The following MYO9A variants were observed in gnomAD, a reference collection of about 807,000 sequenced individuals.
The protein encoded by MYO9A is myosin IXA.
Under a neutral mutation model 293.3 loss-of-function variants are expected in MYO9A, and 103 were observed. That is an observed-to-expected ratio of 0.35 (90% CI 0.30 to 0.41). The LOEUF (loss-of-function observed/expected upper bound fraction) is 0.41. Among genes scored for constraint, MYO9A ranks in the 10% least tolerant of loss-of-function variants. MYO9A has a pLI of 1.00. For missense variants in MYO9A, 2,685 were observed against 3,033.0 expected (o/e 0.89, Z 2.69); for synonymous variants, 1,001 against 1,035.7 (o/e 0.97, Z 0.64).
intron 12 of MYO9A, among the ~76,000 whole-genome samples, chr15:71,970,034 T>C (rs1265663019): frequency 6.6e-6 from 1 of 152,210 alleles, no homozygotes; most frequent in African/African-American, 2.4e-5. Flanking sequence ...GTAATTCTCA[T>C]GAGCAGGCAA....
intron 1 of MYO9A, among the ~76,000 whole-genome samples, chr15:72,076,969 A>G (rs1387030788): frequency 6.6e-6 from 1 of 152,132 alleles, no homozygotes; most frequent in Non-Finnish European, 1.5e-5. Flanking sequence ...AGGCAAGTCA[A>G]TGGAAAAAGG....
In MYO9A at chr15:72,117,767, T is replaced by C. The variant is rs372387169; in HGVS notation, c.-159A>G. 7.4e-4 allele frequency: 293 copies of C among 397,856 alleles called. No homozygotes were observed. The highest frequency in any genetic ancestry group is 4.8e-3 in the African/African-American group (232 of 48,638). 24.6% of individuals were successfully genotyped at this position (397,856 alleles called of 1,614,324 possible). On this transcript the variant is annotated 5_prime_UTR_variant, in exon 1 of 42. Coordinates refer to ENST00000356056, the MANE Select transcript of MYO9A (RefSeq NM_006901.4). ...CTCCGCCCCAGGGTAGGACCGGAGATGGCAGAAGAGGCCGAGGCCACCGAG... is the reference window on the plus strand; with the variant it reads ...CTCCGCCCCAGGGTAGGACCGGAGACGGCAGAAGAGGCCGAGGCCACCGAG...
rs1396757668 is a variant in MYO9A at position 71,897,914 on chromosome 15, A to T, written c.4589T>A (p.Phe1530Tyr). The part of the protein sequence containing the change: ...TDILEKERKA[F>Y]KTIEKPRIGE... ...AATTCTTGGCTTTTCAATTGTCTTG[A>T]AGGCTTTGCGCTCCTTCTCTAAAAT... The change falls in exon 25 of 42, where the codon TTC (phenylalanine) becomes TAC (tyrosine). Residue 1530 changes from phenylalanine (F) to tyrosine (Y), a missense_variant. Physicochemically the swap from Phe to Tyr is conservative, Grantham distance 22 (BLOSUM62 3). Coordinates refer to ENST00000356056, the MANE Select transcript of MYO9A (RefSeq NM_006901.4). The T allele has an allele frequency of 6.2e-7, 1 of 1,614,144 alleles. No individual in the cohort carries two copies. Among genetic ancestry groups the T allele is most frequent in the Admixed American group, 1.7e-5 (1 of 60,002 alleles).
At chr15:72,032,197 C>T (rs2077893462) in intron 3 of MYO9A, among the ~76,000 whole-genome samples, 1 of 152,146 alleles carries the variant, frequency 6.6e-6, no homozygotes. Context: ...AGGTGTGAGC[C>T]ACCATGCTTG....
chr15:72,043,365 AT>A (rs1326364613), intron 2 of MYO9A, among the ~76,000 whole-genome samples: 3 of 152,202 alleles, frequency 2.0e-5, no homozygotes, highest in Non-Finnish European at 4.4e-5. Context: ...ATTGCTAGAT[AT>A]TTACTGAAGA....
At chr15:71,956,904 A>G (rs1039930219) in intron 14 of MYO9A, among the ~76,000 whole-genome samples, 2 of 150,286 alleles carry the variant, frequency 1.3e-5, no homozygotes, top group Non-Finnish European at 3.0e-5. Context: ...TTCAAGGTTC[A>G]TTCATATTGT....
intron 39 of MYO9A, among the ~76,000 whole-genome samples, chr15:71,834,438 G>A (rs1163697985): frequency 6.6e-6 from 1 of 152,116 alleles, no homozygotes; most frequent in Non-Finnish European, 1.5e-5. Context: ...TTTAGAGGCA[G>A]GCGTTAAGTT....
chr15:72,001,330 G>A lies in MYO9A; in HGVS notation c.1381-1390C>T, dbSNP rs552641940. Among the ~76,000 whole-genome samples, 46 of 152,120 alleles carry A rather than the reference G, an allele frequency of 3.0e-4. 2 individuals are homozygous for A. In the South Asian group the frequency reaches 8.1e-3, roughly 27 times the overall value. On this transcript the variant is annotated intron_variant, in intron 8 of 41. Coordinates refer to ENST00000356056, the MANE Select transcript of MYO9A (RefSeq NM_006901.4). ...AGCACATTAGGAGGCCAAGGTGGGCGGATCACTTGAGGTCAGGAGTTCAAG... is the reference window on the plus strand; with the variant it reads ...AGCACATTAGGAGGCCAAGGTGGGCAGATCACTTGAGGTCAGGAGTTCAAG...
chr15:72,025,359 A>G (rs1303202053), intron 4 of MYO9A, among the ~76,000 whole-genome samples: 1 of 152,170 alleles, frequency 6.6e-6, no homozygotes, highest in Non-Finnish European at 1.5e-5. Flanking sequence ...AAAAACATTG[A>G]GCAAAAAAAC....
chr15:72,088,226 T>A (rs910115806), intron 1 of MYO9A, among the ~76,000 whole-genome samples: 3 of 152,230 alleles, frequency 2.0e-5, no homozygotes, highest in Admixed American at 2.0e-4. Flanking sequence ...AGCAAATTAA[T>A]ACAACTGTAC....
At chr15:71,936,978 G>T (rs942769727) in intron 16 of MYO9A, among the ~76,000 whole-genome samples, 4 of 148,994 alleles carry the variant, frequency 2.7e-5, no homozygotes, top group African/African-American at 9.8e-5. Context: ...AGAGGAGAGA[G>T]TGAGAGGAAG....
At chr15:72,112,390 A>G (rs1303720197) in intron 1 of MYO9A, among the ~76,000 whole-genome samples, 1 of 152,172 alleles carries the variant, frequency 6.6e-6, no homozygotes, top group Non-Finnish European at 1.5e-5. Context: ...GAGGCCTAAC[A>G]CTATTTGGAA....
chr15:72,002,434 A>T (rs2076894955), intron 8 of MYO9A, among the ~76,000 whole-genome samples: 1 of 151,768 alleles, frequency 6.6e-6, no homozygotes. Flanking sequence ...GAACTCCTAA[A>T]CTCAAACAAT....
At chr15:71,995,181 GA>G (rs2148518202) in intron 9 of MYO9A, among the ~76,000 whole-genome samples, 1 of 152,332 alleles carries the variant, frequency 6.6e-6, no homozygotes, top group African/African-American at 2.4e-5. Context: ...CCCTAGGAAA[GA>G]AGGTATAATT....
At chr15:71,907,092 C>T (rs187213613) in intron 19 of MYO9A, among the ~76,000 whole-genome samples, 3 of 141,940 alleles carry the variant, frequency 2.1e-5, no homozygotes, top group Non-Finnish European at 4.6e-5. Flanking sequence ...ATCCCTCCCC[C>T]CTCCCCCTAC....
At chr15:71,977,906 G>T (rs1230103557) in intron 12 of MYO9A, among the ~76,000 whole-genome samples, 1 of 152,032 alleles carries the variant, frequency 6.6e-6, no homozygotes, top group Non-Finnish European at 1.5e-5. Context: ...GCATGGTGGC[G>T]GGCACCTGTA....
chr15:72,107,557 A>G (rs1217072369), intron 1 of MYO9A, among the ~76,000 whole-genome samples: 1 of 151,366 alleles, frequency 6.6e-6, no homozygotes, highest in African/African-American at 2.4e-5. Flanking sequence ...CCTCCCCTCC[A>G]AAAAATATTT....
At chr15:71,897,189 T>C (rs988994351) in intron 25 of MYO9A, 6 of 350,118 alleles carry the variant, frequency 1.7e-5, no homozygotes, top group Non-Finnish European at 2.6e-5. Context: ...ACTATGTTTA[T>C]AGGCACTGTA....
rs11368306 is a variant in MYO9A, at chr15:71,825,995, G to GTTTTTTTTTT, written c.*575_*584dup. The GTTTTTTTTTT allele has an allele frequency of 2.4e-4, 22 of 91,500 alleles. No homozygotes were observed. The highest frequency in any genetic ancestry group is 3.6e-4 in the Non-Finnish European group (16 of 44,748). The allele number at this position is 91,500 out of a possible 1,614,324, so 5.7% of individuals were successfully genotyped here. On this transcript the variant is annotated 3_prime_UTR_variant, in exon 42 of 42. Coordinates refer to ENST00000356056, the MANE Select transcript of MYO9A (RefSeq NM_006901.4). Reference sequence around the variant, plus strand: ...ATGGAAACAATCACGGTTTTTTTTTGTTTTTTTTTTTTTGTTTTTTTTTTT... The same window carrying GTTTTTTTTTT: ...ATGGAAACAATCACGGTTTTTTTTTGTTTTTTTTTTTTTTTTTTTTTTTGTTTTTTTTTTT...
Sources: allele counts gnomAD v4.1 joint callset (sites outside exome capture counted in the v4.1 genomes callset), GRCh38; gene constraint gnomAD v4.1.1; transcripts MANE v1.5; gene names NCBI Gene and HGNC (gene_info 2026-07-23, HGNC 2026-07-21).